PRLR: variants seen among roughly 807,000 people sequenced by gnomAD.
The protein encoded by PRLR is prolactin receptor.
A neutral mutation model predicts 40.2 loss-of-function variants in PRLR; 13 were observed. The ratio of observed to expected loss-of-function variants is 0.32; its 90% CI spans 0.21 to 0.51. The LOEUF is 0.51. PRLR is among the 20% of genes least tolerant of loss of function. PRLR has a pLI of 0.97. For synonymous variants in PRLR, 269 were observed against 278.7 expected, an observed-to-expected ratio of 0.97 and a Z score of 0.35; for missense variants, 656 against 747.3, an observed-to-expected ratio of 0.88 and a Z score of 1.42.
rs1769209223 is a variant in PRLR at position 35,064,201 on chromosome 5, T to C, written c.*888A>G. On this transcript the variant is annotated 3_prime_UTR_variant, in exon 10 of 10. Coordinates refer to ENST00000618457, the MANE Select transcript of PRLR (RefSeq NM_000949.7). Reference sequence around the variant, plus strand: ...GTCTTCAAAAATACAGTTAAACTTATGGGTTTATATTAAAGTAGAATTTGT... The same window carrying C: ...GTCTTCAAAAATACAGTTAAACTTACGGGTTTATATTAAAGTAGAATTTGT... 6.6e-6 allele frequency: 1 copy of C among 152,220 alleles called. No individual in the cohort carries two copies. The highest frequency in any genetic ancestry group is 1.5e-5 in the Non-Finnish European group (1 of 68,036). 9.4% of individuals were successfully genotyped at this position (152,220 alleles called of 1,614,324 possible). A position where few individuals can be genotyped will look rare whatever the true frequency, so the allele number is the denominator to read the frequency against.
chr5:35,075,599 C>T (rs1208834461), intron 5 of PRLR, among the ~76,000 whole-genome samples: 1 of 152,194 alleles, frequency 6.6e-6, no homozygotes, highest in Admixed American at 6.5e-5. Flanking sequence ...TCTGTGGACT[C>T]CACCTCTGGG....
At chr5:35,195,316 T>C (rs1332912887) in intron 1 of PRLR, 1 of 152,364 alleles carries the variant, frequency 6.6e-6, no homozygotes, top group Non-Finnish European at 1.5e-5. Context: ...TGAACAACAC[T>C]GTCTCCCTGG....
At chr5:35,209,152 TC>T (rs1776102531) in intron 1 of PRLR, among the ~76,000 whole-genome samples, 1 of 151,892 alleles carries the variant, frequency 6.6e-6, no homozygotes, top group Non-Finnish European at 1.5e-5. Context: ...GTTTTTTTTT[TC>T]TTCTGGGTGA....
At chr5:35,199,503 T>A (rs1156429096) in intron 1 of PRLR, among the ~76,000 whole-genome samples, 1 of 152,172 alleles carries the variant, frequency 6.6e-6, no homozygotes, top group Non-Finnish European at 1.5e-5. Flanking sequence ...CAGCTATCAA[T>A]TTACCTTAAA....
At chr5:35,073,662 A>G (rs1769890016) in intron 5 of PRLR, among the ~76,000 whole-genome samples, 1 of 152,196 alleles carries the variant, frequency 6.6e-6, no homozygotes, top group Non-Finnish European at 1.5e-5. Context: ...ATTTCACTCT[A>G]CCATGGTTGT....
chr5:35,227,989 G>A (rs1011610952), intron 1 of PRLR, among the ~76,000 whole-genome samples: 55 of 152,014 alleles, frequency 3.6e-4, no homozygotes, highest in Non-Finnish European at 7.9e-4. Context: ...TGCACAATTC[G>A]AACAGCCAGT....
intron 1 of PRLR, among the ~76,000 whole-genome samples, chr5:35,129,369 T>G (rs1773578886): frequency 1.3e-5 from 2 of 152,176 alleles, no homozygotes; most frequent in Non-Finnish European, 2.9e-5. Context: ...TTCTAAATAT[T>G]GAGGGAGTCT....
At chr5:35,086,461 A>T (rs1333419276) in intron 3 of PRLR, 121 bp from the exon 4 acceptor site, 1 of 1,242,396 alleles carries the variant, frequency 8.0e-7, no homozygotes, top group South Asian at 1.4e-5. Flanking sequence ...GGCTGAGGAG[A>T]CCTAGGGTGG....
intron 2 of PRLR, among the ~76,000 whole-genome samples, chr5:35,112,623 C>A (rs1230462185): frequency 6.6e-6 from 1 of 152,032 alleles, no homozygotes; most frequent in Non-Finnish European, 1.5e-5. Flanking sequence ...TTTGAGCATC[C>A]CTACCACCTC....
At chr5:35,145,995 T>C (rs186079845) in intron 1 of PRLR, among the ~76,000 whole-genome samples, 1 of 152,204 alleles carries the variant, frequency 6.6e-6, no homozygotes, top group Non-Finnish European at 1.5e-5. Context: ...AGACGACATA[T>C]AGTTTCCTTA....
intron 5 of PRLR, among the ~76,000 whole-genome samples, chr5:35,077,174 G>C (rs1372341195): frequency 1.3e-5 from 2 of 152,096 alleles, no homozygotes; most frequent in Non-Finnish European, 2.9e-5. Context: ...CATAATGACA[G>C]GATCAAATTC....
At chr5:35,147,275 A>G (rs1774208734) in intron 1 of PRLR, among the ~76,000 whole-genome samples, 1 of 152,154 alleles carries the variant, frequency 6.6e-6, no homozygotes, top group African/African-American at 2.4e-5. Flanking sequence ...CTCTAGTATC[A>G]TTGCTTCCAA....
intron 2 of PRLR, among the ~76,000 whole-genome samples, chr5:35,089,893 G>A (rs181406044): frequency 1.3e-3 from 191 of 152,312 alleles, no homozygotes; most frequent in Non-Finnish European, 2.0e-3. Context: ...AGATGACAAG[G>A]TAGAGAGTTC....
At chr5:35,066,867 C>T (rs930781400) in intron 9 of PRLR, among the ~76,000 whole-genome samples, 2 of 151,404 alleles carry the variant, frequency 1.3e-5, no homozygotes, top group African/African-American at 4.9e-5. Flanking sequence ...GGGTTCACGC[C>T]ATTCTCCTGC....
intron 2 of PRLR, among the ~76,000 whole-genome samples, chr5:35,117,806 G>A (rs1773114292): frequency 6.6e-6 from 1 of 152,200 alleles, no homozygotes; most frequent in South Asian, 2.1e-4. Flanking sequence ...TGCACCACTA[G>A]GAGATATCAG....
In PRLR at chr5:35,061,827, T is replaced by C. The variant is rs1311855968; in HGVS notation, c.*3262A>G. On this transcript the variant is annotated 3_prime_UTR_variant, in exon 10 of 10. Coordinates refer to ENST00000618457, the MANE Select transcript of PRLR (RefSeq NM_000949.7). ...ACATGAGCCAACTGTGCAATGGTTG[T>C]TAACAATCTAGGATGGTGCAAGGAA... 1 of 152,168 alleles carries C rather than the reference T, an allele frequency of 6.6e-6. No homozygotes were observed. The highest frequency in any genetic ancestry group is 1.5e-5 in the Non-Finnish European group (1 of 68,034). The allele number at this position is 152,168 out of a possible 1,614,324, so 9.4% of individuals were successfully genotyped here.
Position 35,065,616 on chromosome 5 carries a change from C to T in PRLR, c.1342G>A (p.Ala448Thr). Residue 448 changes from alanine to threonine, a missense_variant, in exon 10 of 10, where the codon GCC (alanine) becomes ACC (threonine). Around this residue, in one of 3 missense-constraint regions of PRLR, gnomAD observed 469 missense variants for 491.5 expected, o/e 0.95. Coordinates refer to ENST00000618457, the MANE Select transcript of PRLR (RefSeq NM_000949.7). Reference sequence around the variant, plus strand: ...TTACCTGCTTCATTCAACAGAGTGGCCGGTGCACCTGCAGGGCCCACAGCC... The same window carrying T: ...TTACCTGCTTCATTCAACAGAGTGGTCGGTGCACCTGCAGGGCCCACAGCC... Reference protein sequence around the residue: ...ELAVGPAGAPATLLNEAGKDA... With the variant: ...ELAVGPAGAPTTLLNEAGKDA... 6.2e-7 allele frequency: 1 copy of T among 1,613,986 alleles called. No homozygotes were observed.
intron 1 of PRLR, among the ~76,000 whole-genome samples, chr5:35,127,206 G>A (rs1301461462): frequency 6.6e-6 from 1 of 152,200 alleles, no homozygotes; most frequent in Non-Finnish European, 1.5e-5. Context: ...ACCTGCTGTA[G>A]CTTGGCTTCA....
chr5:35,206,195 C>T (rs12186416), intron 1 of PRLR, among the ~76,000 whole-genome samples: 14,841 of 152,092 alleles, frequency 0.098, 926 homozygotes, highest in Non-Finnish European at 0.13. Context: ...AATTTGTCCA[C>T]TGAAGGCAGT....
Sources: allele counts gnomAD v4.1 joint callset (sites outside exome capture counted in the v4.1 genomes callset), GRCh38; gene constraint gnomAD v4.1.1; regional missense constraint gnomAD v4.1.1; transcripts MANE v1.5; gene names NCBI Gene and HGNC (gene_info 2026-07-23, HGNC 2026-07-21).